Variants in CSMD1 observed in about 807,000 individuals in gnomAD.
CSMD1 encodes the protein CUB and sushi domain-containing protein 1.
CSMD1 carries 213 observed loss-of-function variants against 417.5 expected under a neutral mutation model. The ratio of observed to expected loss-of-function variants is 0.51; its 90% confidence interval spans 0.46 to 0.57. The LOEUF is 0.57. Among genes scored for constraint, CSMD1 ranks in the 20% least tolerant of loss-of-function variants. CSMD1 has a pLI of 0.00. For missense variants in CSMD1, 6,923 were observed against 4,529.7 expected (o/e 1.53, Z -15.17); for synonymous variants, 2,862 against 1,736.8 (o/e 1.65, Z -16.11).
At chr8:4,943,242 T>G (rs954485838) in intron 1 of CSMD1, among the ~76,000 whole-genome samples, 1 of 152,130 alleles carries the variant, frequency 6.6e-6, no homozygotes, top group Non-Finnish European at 1.5e-5. Context: ...ATGCTTGTAA[T>G]CCCAGCACTT....
chr8:4,064,068 G>A (rs886589722), intron 3 of CSMD1, among the ~76,000 whole-genome samples: 5 of 152,320 alleles, frequency 3.3e-5, no homozygotes, highest in Admixed American at 6.5e-5. Context: ...GAAGTGCGCA[G>A]TGTGAAGCCC....
At chr8:3,608,947 G>T (rs968685950) in intron 8 of CSMD1, among the ~76,000 whole-genome samples, 6 of 152,118 alleles carry the variant, frequency 3.9e-5, no homozygotes, top group Non-Finnish European at 8.8e-5. Context: ...TGAGCTCAAG[G>T]GCAAATTTCA....
chr8:4,085,890 G>C (rs897828959), intron 3 of CSMD1, among the ~76,000 whole-genome samples: 1 of 152,048 alleles, frequency 6.6e-6, no homozygotes, highest in African/African-American at 2.4e-5. Context: ...TTGTACTCTA[G>C]TTTTGTGAGA....
chr8:4,036,862 G>A (rs149843655), intron 3 of CSMD1, among the ~76,000 whole-genome samples: 1 of 152,158 alleles, frequency 6.6e-6, no homozygotes, highest in African/African-American at 2.4e-5. Flanking sequence ...CTCTGCATGA[G>A]GTATGTCCAG....
intron 3 of CSMD1, among the ~76,000 whole-genome samples, chr8:4,414,026 C>T (rs1188034574): frequency 6.6e-6 from 1 of 151,940 alleles, no homozygotes; most frequent in Non-Finnish European, 1.5e-5. Flanking sequence ...CTTGTGCTAG[C>T]ACGTTCTTGA....
intron 3 of CSMD1, among the ~76,000 whole-genome samples, chr8:4,160,379 G>C (rs1467397475): frequency 6.6e-6 from 1 of 152,066 alleles, no homozygotes; most frequent in East Asian, 1.9e-4. Flanking sequence ...TTGGAAATTT[G>C]GTGTTATGTT....
At position 4,017,486 on chromosome 8, in the gene CSMD1, A is replaced by G. The variant is rs141416016; in HGVS notation, c.610+14419T>C. On this transcript the variant is annotated intron_variant, in intron 4 of 69. Coordinates refer to ENST00000635120, the MANE Select transcript of CSMD1 (RefSeq NM_033225.6). ...CATTCCCAGCTAATTTTGTTTTTTT[A>G]GTAGAGACGGGGTTTCTCCATGTTG... Among the ~76,000 whole-genome samples the G allele has an allele frequency of 8.3e-3, 1,267 of 152,114 alleles. 15 individuals carry two copies. Among genetic ancestry groups the G allele is most frequent in the African/African-American group, 0.029 (1,183 of 41,454 alleles).
intron 3 of CSMD1, among the ~76,000 whole-genome samples, chr8:4,321,013 A>G (rs1158570670): frequency 1.3e-5 from 2 of 151,902 alleles, no homozygotes; most frequent in African/African-American, 2.4e-5. Context: ...TAAATTATTT[A>G]TTTCCCATAC....
In CSMD1 at chr8:3,382,238, G is replaced by A. The variant is rs192664701; in HGVS notation, c.2782+5256C>T. 3.6e-3 allele frequency among the ~76,000 whole-genome samples: 540 copies of A among 151,480 alleles called. 4 individuals are homozygous for A. The highest frequency in any genetic ancestry group is 6.0e-3 in the Non-Finnish European group (409 of 67,900). ...CCTGTCACTGTGCTCCAGCAGGAAA[G>A]GGAAAAAGTTATTATTTATTTGCAT... On this transcript the variant is annotated intron_variant, in intron 18 of 69. Transcript: ENST00000635120.
At position 4,443,463 on chromosome 8, in the gene CSMD1, G is replaced by A. The variant is rs1023006363; in HGVS notation, c.303-23398C>T. 3.9e-5 allele frequency among the ~76,000 whole-genome samples: 6 copies of A among 152,140 alleles called. No individual in the cohort carries two copies. In the East Asian group the frequency reaches 1.2e-3, roughly 29 times the overall value. On this transcript the variant is annotated intron_variant, in intron 2 of 69. Transcript: ENST00000635120. ...ACACTGAATTGTATGATGCAATCAA[G>A]ATTTATCTTTTCATCTTATGTGTTT...
At chr8:4,053,849 G>T (rs1306291229) in intron 3 of CSMD1, among the ~76,000 whole-genome samples, 2 of 151,780 alleles carry the variant, frequency 1.3e-5, no homozygotes, top group South Asian at 2.1e-4. Flanking sequence ...CTAGTAGGTT[G>T]GTTTATATAT....
At chr8:4,182,821 T>C (rs1798452161) in intron 3 of CSMD1, among the ~76,000 whole-genome samples, 1 of 152,136 alleles carries the variant, frequency 6.6e-6, no homozygotes, top group East Asian at 1.9e-4. Context: ...AAACATGCAA[T>C]TATAAGGGTC....
At chr8:4,472,177 A>G (rs1743234268) in intron 2 of CSMD1, among the ~76,000 whole-genome samples, 1 of 152,178 alleles carries the variant, frequency 6.6e-6, no homozygotes, top group South Asian at 2.1e-4. Context: ...TTTTACTTTT[A>G]TTAAAATGTT....
At chr8:4,664,494 A>C (rs1019920309) in intron 1 of CSMD1, among the ~76,000 whole-genome samples, 2 of 152,140 alleles carry the variant, frequency 1.3e-5, no homozygotes, top group Non-Finnish European at 2.9e-5. Context: ...TGGGGAGTTC[A>C]AGGCTGCAGT....
chr8:3,765,866 G>A (rs11136663), intron 5 of CSMD1, among the ~76,000 whole-genome samples: 49,921 of 152,090 alleles, frequency 0.33, 8,440 homozygotes, highest in Non-Finnish European at 0.37. Context: ...AGAGGAGGAT[G>A]ACAGCACTTG....
At chr8:4,113,871 G>C (rs867111257) in intron 3 of CSMD1, among the ~76,000 whole-genome samples, 1 of 152,150 alleles carries the variant, frequency 6.6e-6, no homozygotes, top group Non-Finnish European at 1.5e-5. Context: ...CTCTATGAAG[G>C]CTGAGAGAGG....
At chr8:3,162,788 G>T (rs1015377008) in intron 37 of CSMD1, among the ~76,000 whole-genome samples, 1 of 151,098 alleles carries the variant, frequency 6.6e-6, no homozygotes. Flanking sequence ...CAACAAAAAA[G>T]GATCTCATGA....
chr8:3,253,175 A>C (rs2117042983), intron 26 of CSMD1, among the ~76,000 whole-genome samples: 1 of 151,514 alleles, frequency 6.6e-6, no homozygotes, highest in South Asian at 2.1e-4. Context: ...TAGTGCTATA[A>C]ATTTCCCTCT....
intron 2 of CSMD1, among the ~76,000 whole-genome samples, chr8:4,478,823 A>G (rs1246074425): frequency 3.3e-5 from 5 of 152,218 alleles, no homozygotes; most frequent in Non-Finnish European, 7.4e-5. Context: ...TAGTTTCAAC[A>G]TATTTCATAT....
Sources: allele counts gnomAD v4.1 joint callset (sites outside exome capture counted in the v4.1 genomes callset), GRCh38; gene constraint gnomAD v4.1.1; transcripts MANE v1.5; gene names NCBI Gene and HGNC (gene_info 2026-07-23, HGNC 2026-07-21).